Variants in DCP1B observed in about 807,000 individuals in gnomAD.
DCP1B encodes mRNA-decapping enzyme 1B.
Under a neutral mutation model 60.5 loss-of-function variants are expected in DCP1B, and 47 were observed. That is an observed-to-expected ratio of 0.78 (90% CI 0.61 to 0.99). The LOEUF (loss-of-function observed/expected upper bound fraction) is 0.99, where lower values mean the gene tolerates loss of function less well. Ranked by LOEUF, DCP1B falls within the 50% of genes least tolerant of loss-of-function variation. The pLI is 0.00. For missense variants in DCP1B, 725 were observed against 756.8 expected, an observed-to-expected ratio of 0.96 and a Z score of 0.49; for synonymous variants, 267 against 280.3, an observed-to-expected ratio of 0.95 and a Z score of 0.47.
At chr12:1,942,368 AT>A (rs2030301368), downstream of DCP1B, among the ~76,000 whole-genome samples, 1 of 152,242 alleles carries the variant, frequency 6.6e-6, no homozygotes, top group South Asian at 2.1e-4. Context: ...CTCTGTCAAT[AT>A]TAGACAGATC....
intron 1 of DCP1B, among the ~76,000 whole-genome samples, chr12:2,002,063 C>A (rs941320228): frequency 2.0e-5 from 3 of 152,212 alleles, no homozygotes; most frequent in Non-Finnish European, 4.4e-5. Flanking sequence ...AATTCCTATT[C>A]CAGTCATCAC....
chr12:2,001,948 A>G (rs1327959449), intron 1 of DCP1B, among the ~76,000 whole-genome samples: 2 of 152,214 alleles, frequency 1.3e-5, no homozygotes, highest in African/African-American at 4.8e-5. Context: ...AAGGACTGAC[A>G]GCTGGAAAAT....
chr12:1,947,474 G>A (rs531686725), intron 8 of DCP1B, among the ~76,000 whole-genome samples: 3 of 152,204 alleles, frequency 2.0e-5, no homozygotes, highest in Non-Finnish European at 4.4e-5. Flanking sequence ...AATATGAGGT[G>A]TGGTACACGG....
intron 3 of DCP1B, among the ~76,000 whole-genome samples, chr12:1,972,378 G>T (rs2032665389): frequency 6.6e-6 from 1 of 152,140 alleles, no homozygotes; most frequent in Non-Finnish European, 1.5e-5. Flanking sequence ...CATTTATCTA[G>T]ATCAAGCTTT....
rs1469982360 is a variant in DCP1B at position 2,004,381 on chromosome 12, G to A, written c.51C>T (p.Ser17=). The part of the protein sequence containing the change: ...GGLVGKGRDI[S]LAALQRHDPY... ...GGTCGTGGCGCTGCAGGGCCGCTAG[G>A]CTGATGTCGCGCCCCTTTCCCACCA... Residue 17 remains serine, a synonymous_variant, in exon 1 of 9, where the codon AGC becomes AGT. Coordinates refer to ENST00000280665, the MANE Select transcript of DCP1B (RefSeq NM_152640.5). 3.1e-6 allele frequency: 5 copies of A among 1,612,682 alleles called. No individual in the cohort carries two copies. Among genetic ancestry groups the A allele is most frequent in the African/African-American group, 1.3e-5 (1 of 74,942 alleles).
chr12:1,964,834 A>T (rs1042418844), intron 5 of DCP1B, among the ~76,000 whole-genome samples: 7 of 152,142 alleles, frequency 4.6e-5, no homozygotes, highest in Admixed American at 4.6e-4. Flanking sequence ...TGAAATGTTG[A>T]CTTCAATGTT....
intron 5 of DCP1B, among the ~76,000 whole-genome samples, chr12:1,964,838 CA>C (rs1196628223): frequency 6.6e-6 from 1 of 152,178 alleles, no homozygotes; most frequent in African/African-American, 2.4e-5. Flanking sequence ...ATGTTGACTT[CA>C]ATGTTTTAAA....
chr12:1,962,652 T>C lies in DCP1B; in HGVS notation c.522+2906A>G, dbSNP rs927902926. Among the ~76,000 whole-genome samples the C allele has an allele frequency of 6.6e-6, 1 of 152,066 alleles. No individual in the cohort carries two copies. The highest frequency in any genetic ancestry group is 2.4e-5 in the African/African-American group (1 of 41,398). On this transcript the variant is annotated intron_variant, in intron 5 of 8. Transcript: ENST00000280665. This position sits in a 1 kb window ranked among gnomAD's most constrained non-coding sequence, Gnocchi z 4.4. ...AGTCATCATAATTTTTTTTAATGACTTTTGAAGAATTAAAAAAACACAAAA... is the reference window on the plus strand; with the variant it reads ...AGTCATCATAATTTTTTTTAATGACCTTTGAAGAATTAAAAAAACACAAAA...
At chr12:1,993,071 C>T (rs747117164) in intron 3 of DCP1B, 193 bp downstream of exon 3, 3 of 787,428 alleles carry the variant, frequency 3.8e-6, no homozygotes, top group African/African-American at 3.4e-5. Context: ...TTTATATTCA[C>T]TTAAACTCTT....
chr12:1,991,993 C>A, intron 3 of DCP1B: 1 of 234,156 alleles, frequency 4.3e-6, no homozygotes, highest in Non-Finnish European at 9.3e-6. Context: ...AAAAAAAACC[C>A]TGACATAACT....
At chr12:1,951,805 T>C (rs1357150320) in intron 7 of DCP1B, among the ~76,000 whole-genome samples, 1 of 152,186 alleles carries the variant, frequency 6.6e-6, no homozygotes, top group African/African-American at 2.4e-5. Flanking sequence ...ACTAAATAAG[T>C]GAATAATTTA....
At chr12:1,992,773 T>C (rs2039762190) in intron 3 of DCP1B, 1 of 202,206 alleles carries the variant, frequency 4.9e-6, no homozygotes, top group African/African-American at 2.3e-5. Flanking sequence ...TGAAAGAAAC[T>C]TTTTGGACTT....
chr12:1,987,370 CTAAAAT>C (rs534543072), intron 3 of DCP1B, among the ~76,000 whole-genome samples: 23 of 152,290 alleles, frequency 1.5e-4, no homozygotes, highest in African/African-American at 5.3e-4. Flanking sequence ...CTAACCACAA[CTAAAAT>C]TATGTTTTTT....
intron 4 of DCP1B, among the ~76,000 whole-genome samples, chr12:1,967,413 G>A (rs1490084658): frequency 2.6e-5 from 4 of 152,158 alleles, no homozygotes; most frequent in African/African-American, 9.7e-5. Context: ...CCACAAACAT[G>A]TATACACAGT....
In DCP1B at chr12:1,946,280, C is replaced by T. The variant is rs368245797; in HGVS notation, c.1780G>A (p.Asp594Asn). The T allele has an allele frequency of 5.6e-6, 9 of 1,599,490 alleles. No homozygotes were observed. The highest frequency in any genetic ancestry group is 7.7e-6 in the Non-Finnish European group (9 of 1,174,864). Residue 594 changes from aspartate (D) to asparagine (N), a missense_variant, in exon 9 of 9, where the codon GAC becomes AAC. Coordinates refer to ENST00000280665, the MANE Select transcript of DCP1B (RefSeq NM_152640.5). ...EALLYLIQND[D>N]NFLNIIYEAY... The stretch of plus-strand genomic sequence containing the variant: ...TCATAGATTATATTTAAGAAGTTGT[C>T]ATCATTCTGGAAAACAAATCGAAAG...
intron 3 of DCP1B, among the ~76,000 whole-genome samples, chr12:1,986,697 G>C (rs2037894027): frequency 6.6e-6 from 1 of 152,146 alleles, no homozygotes; most frequent in East Asian, 1.9e-4. Context: ...CTGTGACTTG[G>C]CGCATTCTTG....
Position 1,985,464 on chromosome 12 carries a change from A to AT in DCP1B, c.319+7799dup, listed in dbSNP as rs561035107. Among the ~76,000 whole-genome samples the AT allele has an allele frequency of 4.0e-3, 611 of 152,266 alleles. 9 individuals are homozygous for AT. Among genetic ancestry groups the AT allele is most frequent in the African/African-American group, 0.014 (576 of 41,556 alleles). On this transcript the variant is annotated intron_variant, in intron 3 of 8. Transcript: ENST00000280665. Reference sequence around the variant, plus strand: ...TTCCATTTGGTTATTTTTTATACCTATTTTTGTGCCAAGAATTTCTATCTT... The same window carrying AT: ...TTCCATTTGGTTATTTTTTATACCTATTTTTTGTGCCAAGAATTTCTATCTT...
intron 8 of DCP1B, among the ~76,000 whole-genome samples, chr12:1,947,948 C>T (rs911562580): frequency 1.3e-5 from 2 of 152,204 alleles, no homozygotes; most frequent in African/African-American, 4.8e-5. Context: ...CAGGCGTGAG[C>T]AGCCACTGTG....
intron 3 of DCP1B, among the ~76,000 whole-genome samples, chr12:1,981,113 C>T (rs1308357188): frequency 6.6e-6 from 1 of 152,136 alleles, no homozygotes; most frequent in Non-Finnish European, 1.5e-5. Flanking sequence ...ATGGCATTCT[C>T]ACAACTCACA....
Sources: gnomAD v4.1 joint callset for allele counts (sites outside exome capture counted in the v4.1 genomes callset) on GRCh38, gnomAD v4.1.1 for gene constraint, Gnocchi (gnomAD v3.1) non-coding constraint, MANE v1.5 for transcripts, NCBI Gene and HGNC (gene_info 2026-07-23, HGNC 2026-07-21) for gene names.